The following EXOC6B variants were observed in gnomAD, a reference collection of about 807,000 sequenced individuals.
EXOC6B encodes SEC15 homolog B.
A neutral mutation model predicts 113.5 loss-of-function variants in EXOC6B; 54 were observed. The observed-to-expected ratio is 0.48, with a 90% CI of 0.38 to 0.60. The LOEUF is 0.60. Among genes scored for constraint, EXOC6B ranks in the 20% least tolerant of loss-of-function variants. The pLI is 0.00. For synonymous variants in EXOC6B, 357 were observed against 339.0 expected, an observed-to-expected ratio of 1.05 and a Z score of -0.58; for missense variants, 797 against 977.5, an observed-to-expected ratio of 0.82 and a Z score of 2.46.
intron 1 of EXOC6B, among the ~76,000 whole-genome samples, chr2:72,789,143 A>C (rs530740021): frequency 6.6e-6 from 1 of 152,342 alleles, no homozygotes; most frequent in Non-Finnish European, 1.5e-5. Context: ...AGAATGAGCA[A>C]AAGCACAAAA....
At chr2:72,250,881 G>T (rs189243731) in intron 20 of EXOC6B, among the ~76,000 whole-genome samples, 1 of 151,078 alleles carries the variant, frequency 6.6e-6, no homozygotes, top group Non-Finnish European at 1.5e-5. Flanking sequence ...ATGAGGTTTT[G>T]CTGTTGCCCA....
chr2:72,381,974 T>A (rs76565009), intron 18 of EXOC6B, among the ~76,000 whole-genome samples: 1,962 of 152,286 alleles, frequency 0.013, 52 homozygotes, highest in African/African-American at 0.045. Flanking sequence ...TATTTCAGTA[T>A]ACAGACTATA....
At chr2:72,603,459 G>A (rs1670555247) in intron 6 of EXOC6B, among the ~76,000 whole-genome samples, 1 of 151,908 alleles carries the variant, frequency 6.6e-6, no homozygotes, top group Non-Finnish European at 1.5e-5. Flanking sequence ...TTAGGAGTGA[G>A]GAGAAAAAGA....
chr2:72,262,388 C>T (rs1366635484), intron 20 of EXOC6B, among the ~76,000 whole-genome samples: 1 of 151,948 alleles, frequency 6.6e-6, no homozygotes, highest in Non-Finnish European at 1.5e-5. Context: ...CCCTGCACCT[C>T]CCAGCTGAAG....
At chr2:72,238,556 C>A (rs1421463768) in intron 20 of EXOC6B, among the ~76,000 whole-genome samples, 1 of 152,192 alleles carries the variant, frequency 6.6e-6, no homozygotes, top group Non-Finnish European at 1.5e-5. Context: ...CACATCCCCA[C>A]CAATGCTTGT....
intron 20 of EXOC6B, among the ~76,000 whole-genome samples, chr2:72,277,137 C>T (rs1684853532): frequency 6.6e-6 from 1 of 152,064 alleles, no homozygotes; most frequent in Admixed American, 6.6e-5. Context: ...AGTTAAGTGC[C>T]CTCCCATAAA....
At chr2:72,230,082 T>A (rs1681511287) in intron 20 of EXOC6B, among the ~76,000 whole-genome samples, 1 of 150,968 alleles carries the variant, frequency 6.6e-6, no homozygotes, top group Admixed American at 6.6e-5. Flanking sequence ...TTCACAAGAG[T>A]CTCTGTGGGA....
At chr2:72,701,418 T>A (rs1678336574) in intron 6 of EXOC6B, among the ~76,000 whole-genome samples, 1 of 150,128 alleles carries the variant, frequency 6.7e-6, no homozygotes, top group Non-Finnish European at 1.5e-5. Flanking sequence ...TATCTAGAGA[T>A]ATCAAAGTTG....
At chr2:72,587,858 T>C (rs1239180232) in intron 6 of EXOC6B, among the ~76,000 whole-genome samples, 1 of 152,006 alleles carries the variant, frequency 6.6e-6, no homozygotes, top group Non-Finnish European at 1.5e-5. Flanking sequence ...TAACCCAATC[T>C]TTTTAATGGG....
At chr2:72,243,527 G>A (rs917968987) in intron 20 of EXOC6B, among the ~76,000 whole-genome samples, 23 of 152,124 alleles carry the variant, frequency 1.5e-4, no homozygotes, top group African/African-American at 5.6e-4. Context: ...CTCACTCATA[G>A]GTGGGAATGG....
chr2:72,230,163 T>C (rs554905791), intron 20 of EXOC6B, among the ~76,000 whole-genome samples: 1 of 152,308 alleles, frequency 6.6e-6, no homozygotes, highest in Non-Finnish European at 1.5e-5. Flanking sequence ...TTCTAAGTCC[T>C]GCTATAAAGA....
chr2:72,244,919 G>T (rs1682555939), intron 20 of EXOC6B, among the ~76,000 whole-genome samples: 1 of 151,998 alleles, frequency 6.6e-6, no homozygotes, highest in South Asian at 2.1e-4. Context: ...AAATACTTAG[G>T]TATAAATTAA....
At chr2:72,696,760 G>A (rs1209675443) in intron 6 of EXOC6B, among the ~76,000 whole-genome samples, 1 of 152,088 alleles carries the variant, frequency 6.6e-6, no homozygotes, top group Non-Finnish European at 1.5e-5. Context: ...TTCCTGGGGA[G>A]GCCAGAAGAC....
intron 6 of EXOC6B, among the ~76,000 whole-genome samples, chr2:72,626,006 G>T (rs1573509969): frequency 1.3e-5 from 2 of 152,058 alleles, no homozygotes; most frequent in East Asian, 3.9e-4. Flanking sequence ...CCCTCATTCA[G>T]AATTTAACAG....
Position 72,255,033 on chromosome 2 carries a change from A to C in EXOC6B, c.2197-70846T>G, listed in dbSNP as rs370244444. On this transcript the variant is annotated intron_variant, in intron 20 of 21. Coordinates refer to ENST00000272427, the MANE Select transcript of EXOC6B (RefSeq NM_015189.3). ...GCCAAAATTAGGAAACTTACACTTAAAGAAAGTATGCTGTGGATATCAAGC... is the reference window on the plus strand; with the variant it reads ...GCCAAAATTAGGAAACTTACACTTACAGAAAGTATGCTGTGGATATCAAGC... Among the ~76,000 whole-genome samples the C allele has an allele frequency of 5.3e-4, 80 of 152,336 alleles. 3 individuals carry two copies. The South Asian group carries it at 0.016, about 30-fold the overall frequency.
intron 20 of EXOC6B, among the ~76,000 whole-genome samples, chr2:72,225,325 A>T (rs1168926196): frequency 6.6e-6 from 1 of 152,194 alleles, no homozygotes; most frequent in Non-Finnish European, 1.5e-5. Context: ...AACAATGACA[A>T]ATTAATGCTT....
intron 20 of EXOC6B, among the ~76,000 whole-genome samples, chr2:72,221,169 T>C (rs1281738824): frequency 6.6e-6 from 1 of 152,190 alleles, no homozygotes; most frequent in Non-Finnish European, 1.5e-5. Context: ...TGAGACTTAC[T>C]TTTCCAATCT....
chr2:72,211,432 C>T (rs1281847125), intron 20 of EXOC6B, among the ~76,000 whole-genome samples: 2 of 152,172 alleles, frequency 1.3e-5, no homozygotes, highest in Non-Finnish European at 2.9e-5. Context: ...CTGGTATAAG[C>T]TCAGGACTAA....
At chr2:72,749,095 A>G (rs1370071618) in intron 1 of EXOC6B, among the ~76,000 whole-genome samples, 2 of 152,100 alleles carry the variant, frequency 1.3e-5, no homozygotes, top group African/African-American at 4.8e-5. Flanking sequence ...ATTTCATTGT[A>G]TCTTTCAGTG....
Sources: allele counts gnomAD v4.1 joint callset (sites outside exome capture counted in the v4.1 genomes callset), GRCh38; gene constraint gnomAD v4.1.1; transcripts MANE v1.5; gene names NCBI Gene and HGNC (gene_info 2026-07-23, HGNC 2026-07-21).